The following ANKRD11 variants were observed in gnomAD, a reference collection of about 807,000 sequenced individuals.
ANKRD11 encodes ankyrin repeat domain-containing protein 11.
In ANKRD11, 17 loss-of-function variants were observed where a neutral mutation model predicts 195.7. That is an observed-to-expected ratio of 0.09 (90% CI 0.06 to 0.13). ANKRD11 has a LOEUF of 0.13. Among genes scored for constraint, ANKRD11 ranks in the 10% least tolerant of loss-of-function variants. The pLI is 1.00. For missense variants in ANKRD11, 3,735 were observed against 3,566.1 expected (o/e 1.05, Z -1.21); for synonymous variants, 1,953 against 1,528.1 (o/e 1.28, Z -6.49).
At chr16:89,325,910 G>C (rs1252816178) in intron 2 of ANKRD11, among the ~76,000 whole-genome samples, 2 of 152,186 alleles carry the variant, frequency 1.3e-5, no homozygotes, top group African/African-American at 4.8e-5. Flanking sequence ...TCAAGGGCAT[G>C]AGCATGACGA....
chr16:89,481,659 A>G (rs937548294), intron 1 of ANKRD11, among the ~76,000 whole-genome samples: 5 of 152,244 alleles, frequency 3.3e-5, no homozygotes, highest in South Asian at 2.1e-4. Context: ...CCTCAAAACA[A>G]GTAAGCAAAT....
At chr16:89,475,704 C>T (rs187933571) in intron 1 of ANKRD11, among the ~76,000 whole-genome samples, 12 of 152,130 alleles carry the variant, frequency 7.9e-5, no homozygotes, top group Admixed American at 2.6e-4. Flanking sequence ...GTGATATCTC[C>T]ACGAAACACA....
At chr16:89,450,556 G>A (rs542114717) in intron 1 of ANKRD11, among the ~76,000 whole-genome samples, 1 of 152,296 alleles carries the variant, frequency 6.6e-6, no homozygotes, top group South Asian at 2.1e-4. Context: ...GATTGCAGAA[G>A]AGGGCTGACA....
intron 2 of ANKRD11, among the ~76,000 whole-genome samples, chr16:89,326,328 G>A (rs377372396): frequency 3.5e-4 from 53 of 152,224 alleles, no homozygotes; most frequent in African/African-American, 1.1e-3. Flanking sequence ...GTCACGCACC[G>A]TTGCTGGGAA....
At chr16:89,270,272 C>T (rs756734894) in intron 12 of ANKRD11, 3 of 210,322 alleles carry the variant, frequency 1.4e-5, no homozygotes, top group African/African-American at 2.3e-5. Context: ...TGCAGGTAGC[C>T]GGGGCCGCCT....
chr16:89,323,186 C>A, intron 2 of ANKRD11: 1 of 653,320 alleles, frequency 1.5e-6, no homozygotes, highest in Non-Finnish European at 2.4e-6. Flanking sequence ...TTGTGCACAC[C>A]TCACAGGGAG....
chr16:89,292,626 A>G (rs911017384), intron 4 of ANKRD11, among the ~76,000 whole-genome samples: 3 of 152,238 alleles, frequency 2.0e-5, no homozygotes, highest in African/African-American at 7.2e-5. Context: ...GCAAAACCCC[A>G]AGTACTGCAG....
At chr16:89,321,167 C>T (rs1454310043) in intron 2 of ANKRD11, 1 of 152,412 alleles carries the variant, frequency 6.6e-6, no homozygotes, top group African/African-American at 2.4e-5. Context: ...GCAGCGAGCA[C>T]CAAAGAGCCT....
Position 89,279,080 on chromosome 16 carries a change from T to C in ANKRD11, c.7462A>G (p.Ile2488Val). ...LDGKPLSKLH[I>V]PVIAPPPSLA... ...CCGGGCCCCGCACTCACCACGGGGA[T>C]GTGGAGCTTGCTGAGCGGCTTGCCG... The change falls in exon 9 of 13, where the codon ATC becomes GTC. Residue 2488 changes from isoleucine to valine, a missense_variant. By Grantham distance (29) the Ile-to-Val change is conservative. Transcript: ENST00000301030. This position sits in a 1 kb window ranked among gnomAD's most constrained non-coding sequence, Gnocchi z 5.6. The C allele has an allele frequency of 6.2e-7, 1 of 1,613,916 alleles. No homozygotes were observed. Among genetic ancestry groups the C allele is most frequent in the Non-Finnish European group, 8.5e-7 (1 of 1,179,894 alleles).
At chr16:89,479,799 C>CG (rs958193711) in intron 1 of ANKRD11, among the ~76,000 whole-genome samples, 1 of 151,242 alleles carries the variant, frequency 6.6e-6, no homozygotes, top group African/African-American at 2.4e-5. Flanking sequence ...AAAAATTAGC[C>CG]GGGGGTGGTG....
intron 2 of ANKRD11, among the ~76,000 whole-genome samples, chr16:89,349,514 G>C (rs2039108804): frequency 6.6e-6 from 1 of 152,092 alleles, no homozygotes; most frequent in Non-Finnish European, 1.5e-5. Flanking sequence ...TAAATATATA[G>C]TCAACTAATT....
intron 2 of ANKRD11, among the ~76,000 whole-genome samples, chr16:89,330,675 G>C (rs1368350408): frequency 3.9e-5 from 1 of 25,800 alleles, no homozygotes; most frequent in Non-Finnish European, 1.0e-4. Context: ...GGGGGGGGGG[G>C]CGGGGGCGGA....
intron 2 of ANKRD11, among the ~76,000 whole-genome samples, chr16:89,326,965 C>G (rs2037761276): frequency 6.6e-6 from 1 of 151,354 alleles, no homozygotes; most frequent in Non-Finnish European, 1.5e-5. Context: ...GCAGGTACAG[C>G]AAGAAGTCCA....
At chr16:89,348,747 C>G (rs1335798854) in intron 2 of ANKRD11, among the ~76,000 whole-genome samples, 1 of 152,022 alleles carries the variant, frequency 6.6e-6, no homozygotes, top group Non-Finnish European at 1.5e-5. Flanking sequence ...TTAACAAATT[C>G]CCTTATTGTA....
At chr16:89,470,108 G>A (rs1349674204) in intron 1 of ANKRD11, among the ~76,000 whole-genome samples, 1 of 151,558 alleles carries the variant, frequency 6.6e-6, no homozygotes, top group African/African-American at 2.4e-5. Flanking sequence ...GGGTTTCACC[G>A]TGTTAGCCAG....
At chr16:89,351,835 C>A (rs529502290) in intron 2 of ANKRD11, among the ~76,000 whole-genome samples, 1 of 152,280 alleles carries the variant, frequency 6.6e-6, no homozygotes, top group Admixed American at 6.5e-5. Context: ...TGAACAGACC[C>A]GTGAATACAC....
chr16:89,438,396 T>C (rs1567805923), intron 1 of ANKRD11, among the ~76,000 whole-genome samples: 1 of 151,956 alleles, frequency 6.6e-6, no homozygotes, highest in Non-Finnish European at 1.5e-5. Flanking sequence ...CTCAGCTCAC[T>C]GCAGCCTCCG....
At chr16:89,375,755 C>T (rs1197681676) in intron 2 of ANKRD11, among the ~76,000 whole-genome samples, 2 of 143,634 alleles carry the variant, frequency 1.4e-5, no homozygotes, top group Non-Finnish European at 3.0e-5. Context: ...TGCACCCAGC[C>T]GACTCCGTCT....
chr16:89,290,967 C>T lies in ANKRD11; in HGVS notation c.397+46G>A, dbSNP rs1265316944. 6.2e-6 allele frequency: 10 copies of T among 1,610,190 alleles called. No homozygotes were observed. In the East Asian group the frequency reaches 2.2e-4, roughly 36 times the overall value. On this transcript the variant is annotated intron_variant, in intron 5 of 12. Transcript: ENST00000301030. ...GCACAGCCATGAGGCTGCGACCAGG[C>T]AGAGCCCCTTCCCTGCGCCAGGGAC...
Sources: gnomAD v4.1 joint callset for allele counts (sites outside exome capture counted in the v4.1 genomes callset) on GRCh38, gnomAD v4.1.1 for gene constraint, Gnocchi (gnomAD v3.1) non-coding constraint, MANE v1.5 for transcripts, NCBI Gene and HGNC (gene_info 2026-07-23, HGNC 2026-07-21) for gene names.